The following OTUD7B variants were observed in gnomAD, a reference collection of about 807,000 sequenced individuals.
OTUD7B encodes OTU domain-containing protein 7B.
A neutral mutation model predicts 82.2 loss-of-function variants in OTUD7B; 34 were observed. That is an observed-to-expected ratio of 0.41 (90% confidence interval 0.31 to 0.55). The LOEUF (loss-of-function observed/expected upper bound fraction) is 0.55. Ranked by LOEUF, OTUD7B falls within the 20% of genes least tolerant of loss-of-function variation. The probability of loss-of-function intolerance (pLI) is 0.20; values close to 1 mark genes in which losing one functional copy is unlikely to be tolerated. For missense variants in OTUD7B, 944 were observed against 1,062.1 expected, an observed-to-expected ratio of 0.89 and a Z score of 1.55; for synonymous variants, 398 against 402.7, an observed-to-expected ratio of 0.99 and a Z score of 0.14.
intron 1 of OTUD7B, among the ~76,000 whole-genome samples, chr1:150,005,188 A>G (rs187902437): frequency 9.8e-5 from 15 of 152,324 alleles, no homozygotes; most frequent in Admixed American, 9.2e-4. Context: ...AGGCTCAGCA[A>G]GTATTCATTC....
intron 6 of OTUD7B, chr1:149,963,909 T>C: frequency 4.1e-6 from 1 of 245,074 alleles, no homozygotes; most frequent in South Asian, 9.9e-5. Context: ...AACAAAACAA[T>C]ACAAAAATCC....
intron 1 of OTUD7B, among the ~76,000 whole-genome samples, chr1:150,000,119 A>G (rs1652177889): frequency 6.6e-6 from 1 of 152,192 alleles, no homozygotes; most frequent in African/African-American, 2.4e-5. Flanking sequence ...GTTTTTGTGG[A>G]AGAGATAGTT....
intron 9 of OTUD7B, 104 bp downstream of exon 9, chr1:149,949,525 G>T: frequency 8.7e-7 from 1 of 1,155,044 alleles, no homozygotes; most frequent in Non-Finnish European, 1.3e-6. Context: ...ATCAACATGT[G>T]CTGTCTGGGC....
intron 1 of OTUD7B, among the ~76,000 whole-genome samples, chr1:149,979,227 C>G (rs1650544377): frequency 1.3e-5 from 2 of 152,096 alleles, no homozygotes; most frequent in Admixed American, 1.3e-4. Flanking sequence ...CAGCTACCAA[C>G]AAACCAACCA....
At chr1:149,946,967 C>T (rs1647806010) in intron 11 of OTUD7B, among the ~76,000 whole-genome samples, 2 of 152,066 alleles carry the variant, frequency 1.3e-5, no homozygotes, top group Non-Finnish European at 2.9e-5. Flanking sequence ...GCAGGAGAAT[C>T]GCTTGAACCC....
At chr1:149,949,256 C>T (rs1648000706) in intron 9 of OTUD7B, among the ~76,000 whole-genome samples, 173 bp from the exon 10 acceptor site, 1 of 152,206 alleles carries the variant, frequency 6.6e-6, no homozygotes, top group Admixed American at 6.5e-5. Context: ...CGCTACCACG[C>T]AGCATATGTT....
the OTUD7B span, among the ~76,000 whole-genome samples, chr1:150,032,911 T>C: frequency 1.3e-5 from 2 of 152,200 alleles, no homozygotes; most frequent in Admixed American, 6.5e-5. Flanking sequence ...CACCAATCCC[T>C]AGTGTCTTCA....
At chr1:149,962,129 A>C (rs969424564) in intron 6 of OTUD7B, 5 of 152,216 alleles carry the variant, frequency 3.3e-5, no homozygotes, top group African/African-American at 1.2e-4. Flanking sequence ...CCCAGGTTCT[A>C]TATGGAGTGC....
chr1:149,959,332 C>T (rs1553775190), intron 7 of OTUD7B, among the ~76,000 whole-genome samples: 1 of 152,126 alleles, frequency 6.6e-6, no homozygotes. Flanking sequence ...TTTCAAAGTG[C>T]TGAGATTACA....
chr1:149,944,198 G>C lies in OTUD7B; in HGVS notation c.2191C>G (p.Pro731Ala), dbSNP rs782395622. 4 of 1,613,674 alleles carry C rather than the reference G, an allele frequency of 2.5e-6. No individual in the cohort carries two copies. Among genetic ancestry groups the C allele is most frequent in the Non-Finnish European group, 3.4e-6 (4 of 1,179,698 alleles). ...VGGLPPYATFPRQCPPGRPYP... is the reference protein window; with the variant it reads ...VGGLPPYATFARQCPPGRPYP... Reference sequence around the variant, plus strand: ...GGTCGCCCAGGAGGGCACTGTCTGGGGAAGGTGGCATATGGTGGTAGGCCC... The same window carrying C: ...GGTCGCCCAGGAGGGCACTGTCTGGCGAAGGTGGCATATGGTGGTAGGCCC... The change falls in exon 12 of 12, where the codon CCC becomes GCC. Residue 731 changes from proline to alanine, a missense_variant. This residue lies in a region of OTUD7B where 412 missense variants were observed against 418.7 expected (regional missense o/e 0.98). Coordinates refer to ENST00000581312, the MANE Select transcript of OTUD7B (RefSeq NM_020205.4).
At chr1:150,065,264 G>A in the OTUD7B span, among the ~76,000 whole-genome samples, 2 of 152,086 alleles carry the variant, frequency 1.3e-5, no homozygotes, top group South Asian at 4.1e-4. Context: ...TGTACAGACA[G>A]AGTTTCATCA....
chr1:150,013,614 T>C (rs1035506998), upstream of OTUD7B, among the ~76,000 whole-genome samples: 1 of 151,946 alleles, frequency 6.6e-6, no homozygotes. Context: ...CATGAATCCA[T>C]ATTTTTTAAA....
the OTUD7B span, among the ~76,000 whole-genome samples, chr1:150,032,390 G>A: frequency 8.1e-5 from 11 of 135,692 alleles, no homozygotes; most frequent in African/African-American, 2.2e-4. Flanking sequence ...CACTTTTGGC[G>A]GCTAAATTGG....
At chr1:149,985,022 A>G (rs938657518) in intron 1 of OTUD7B, among the ~76,000 whole-genome samples, 1 of 152,104 alleles carries the variant, frequency 6.6e-6, no homozygotes, top group Non-Finnish European at 1.5e-5. Flanking sequence ...GGCAACCACT[A>G]TGAGCAATTT....
the OTUD7B span, among the ~76,000 whole-genome samples, chr1:150,046,617 T>C: frequency 6.7e-6 from 1 of 149,352 alleles, no homozygotes; most frequent in African/African-American, 2.4e-5. Context: ...CTGGCTAATT[T>C]TTTTTTTTTT....
chr1:149,944,800 G>A lies in OTUD7B; in HGVS notation c.1589C>T (p.Ser530Leu). 1 of 1,613,998 alleles carries A rather than the reference G, an allele frequency of 6.2e-7. No individual in the cohort carries two copies. The highest frequency in any genetic ancestry group is 8.5e-7 in the Non-Finnish European group (1 of 1,179,994). ...NMGGLMHSKG[S>L]KPGGVGTGLG... Reference sequence around the variant, plus strand: ...CCCTGTCCCCACCCCTCCAGGCTTTGAACCCTTGCTGTGCATCAGGCCCCC... The same window carrying A: ...CCCTGTCCCCACCCCTCCAGGCTTTAAACCCTTGCTGTGCATCAGGCCCCC... Residue 530 changes from serine (S) to leucine (L), a missense_variant, in exon 12 of 12, where the codon TCA (serine) becomes TTA (leucine). Ser to Leu is a moderately radical substitution (Grantham distance 145). Around this residue, in one of 3 missense-constraint regions of OTUD7B, gnomAD observed 412 missense variants for 418.7 expected, o/e 0.98. Transcript: ENST00000581312.
intron 3 of OTUD7B, among the ~76,000 whole-genome samples, chr1:149,968,041 A>G (rs1649636769): frequency 6.6e-6 from 1 of 152,140 alleles, no homozygotes; most frequent in Admixed American, 6.6e-5. Flanking sequence ...AGGCAGGTGG[A>G]TCACCTGAGG....
the OTUD7B span, among the ~76,000 whole-genome samples, chr1:150,051,249 A>AAC: frequency 2.0e-5 from 3 of 149,778 alleles, no homozygotes; most frequent in Admixed American, 1.3e-4. Flanking sequence ...AAAAAAAAAA[A>AAC]CCACCAACAA....
At position 149,964,263 on chromosome 1, in the gene OTUD7B, T is replaced by G; in HGVS notation, c.691A>C (p.Lys231Gln). ...GTCTGCTGCCACCTCCAGCGCCTTT[T>G]CAACGCTTCCTTCTCAACTCCCTTC... is the stretch of plus-strand genomic sequence containing the variant. ...MEKGVEKEAL[K>Q]RRWRWQQTQQ... Residue 231 changes from lysine to glutamine, a missense_variant, in exon 6 of 12, where the codon AAA (lysine) becomes CAA (glutamine). This residue lies in a region of OTUD7B where 530 missense variants were observed against 625.6 expected (regional missense o/e 0.85). Transcript: ENST00000581312. The G allele has an allele frequency of 6.2e-7, 1 of 1,614,004 alleles. No individual in the cohort carries two copies. The highest frequency in any genetic ancestry group is 8.5e-7 in the Non-Finnish European group (1 of 1,180,038).
Sources: allele counts gnomAD v4.1 joint callset (sites outside exome capture counted in the v4.1 genomes callset), GRCh38; gene constraint gnomAD v4.1.1; regional missense constraint gnomAD v4.1.1; transcripts MANE v1.5; gene names NCBI Gene and HGNC (gene_info 2026-07-23, HGNC 2026-07-21).